The following COMMD1 variants were observed in gnomAD, a reference collection of about 807,000 sequenced individuals.
The protein encoded by COMMD1 is copper metabolism domain containing 1.
Under a neutral mutation model 17.2 loss-of-function variants are expected in COMMD1, and 10 were observed. The observed-to-expected ratio is 0.58, with a 90% CI of 0.36 to 0.99. COMMD1 has a LOEUF of 0.99. COMMD1 is among the 50% of genes least tolerant of loss of function. The probability of loss-of-function intolerance (pLI) is 0.01; values close to 1 mark genes in which losing one functional copy is unlikely to be tolerated. For synonymous variants in COMMD1, 97 were observed against 91.6 expected (o/e 1.06, Z -0.34); for missense variants, 270 against 231.8 (o/e 1.17, Z -1.07).
intron 1 of COMMD1, among the ~76,000 whole-genome samples, chr2:61,963,964 T>A (rs1573008082): frequency 6.6e-6 from 1 of 152,184 alleles, no homozygotes; most frequent in Non-Finnish European, 1.5e-5. Flanking sequence ...CCAGGGTTGG[T>A]GATGGGATGG....
intron 2 of COMMD1, among the ~76,000 whole-genome samples, chr2:62,061,706 C>G (rs1245936034): frequency 6.6e-6 from 1 of 151,854 alleles, no homozygotes; most frequent in African/African-American, 2.4e-5. Context: ...CAGGCGCCCA[C>G]CACCATGCCC....
chr2:61,905,917 G>T, intron 1 of COMMD1, 59 bp downstream of exon 1: 1 of 1,556,276 alleles, frequency 6.4e-7, no homozygotes, highest in Non-Finnish European at 8.9e-7. Context: ...GCTGGCTTCA[G>T]ACTCTCCCCC....
In COMMD1 at chr2:62,037,711, T is replaced by C. The variant is rs147590434; in HGVS notation, c.462+36729T>C. On this transcript the variant is annotated intron_variant, in intron 2 of 2. Coordinates refer to ENST00000311832, the MANE Select transcript of COMMD1 (RefSeq NM_152516.4). ...GAAATATACATGGCTCTGGCCCTAATAGCCATTTTAGTTGGAGGAGCTCCA... is the reference window on the plus strand; with the variant it reads ...GAAATATACATGGCTCTGGCCCTAACAGCCATTTTAGTTGGAGGAGCTCCA... 3.2e-3 allele frequency among the ~76,000 whole-genome samples: 491 copies of C among 152,340 alleles called. 3 individuals carry two copies. The highest frequency in any genetic ancestry group is 7.7e-3 in the Admixed American group (118 of 15,302).
intron 1 of COMMD1, among the ~76,000 whole-genome samples, chr2:61,972,130 C>T (rs13032415): frequency 6.6e-6 from 1 of 151,690 alleles, no homozygotes; most frequent in Non-Finnish European, 1.5e-5. Context: ...AAAAAACAAA[C>T]AAAAAAACTG....
At position 62,102,761 on chromosome 2, in the gene COMMD1, G is replaced by A. The variant is rs574419464; in HGVS notation, c.463-33070G>A. Reference sequence around the variant, plus strand: ...CCTCTGCCTTTGTGTGTAAAAACTGGCCATAAAGAAATTATCTGACCTCCC... The same window carrying A: ...CCTCTGCCTTTGTGTGTAAAAACTGACCATAAAGAAATTATCTGACCTCCC... On this transcript the variant is annotated intron_variant, in intron 2 of 2. Coordinates refer to ENST00000311832, the MANE Select transcript of COMMD1 (RefSeq NM_152516.4). Among the ~76,000 whole-genome samples, 20 of 152,150 alleles carry A rather than the reference G, an allele frequency of 1.3e-4. No individual in the cohort carries two copies. In the East Asian group the frequency reaches 3.9e-3, roughly 29 times the overall value.
chr2:62,049,092 C>G (rs1670465547), intron 2 of COMMD1, among the ~76,000 whole-genome samples: 1 of 151,656 alleles, frequency 6.6e-6, no homozygotes, highest in Admixed American at 6.6e-5. Context: ...GCAAGTTTAA[C>G]CAGAAAATTG....
At chr2:61,921,841 C>G (rs1219484560) in intron 1 of COMMD1, among the ~76,000 whole-genome samples, 2 of 152,176 alleles carry the variant, frequency 1.3e-5, no homozygotes, top group African/African-American at 4.8e-5. Context: ...ACCTTGATCT[C>G]TAAGAAACAG....
intron 2 of COMMD1, among the ~76,000 whole-genome samples, chr2:62,064,448 A>G (rs947426419): frequency 1.3e-5 from 2 of 152,192 alleles, no homozygotes; most frequent in Non-Finnish European, 2.9e-5. Context: ...TGCTGGGATT[A>G]TAGGCATGTG....
intron 2 of COMMD1, among the ~76,000 whole-genome samples, chr2:62,038,283 G>A (rs1311108540): frequency 2.0e-5 from 3 of 152,070 alleles, no homozygotes; most frequent in Admixed American, 1.3e-4. Flanking sequence ...GTGAGACTCT[G>A]TCTCAAACAG....
chr2:62,128,607 C>G (rs779593903), intron 2 of COMMD1, among the ~76,000 whole-genome samples: 1 of 152,148 alleles, frequency 6.6e-6, no homozygotes, highest in African/African-American at 2.4e-5. Flanking sequence ...CTACCTCCCT[C>G]CCTCCCTCCT....
At chr2:62,071,652 A>C (rs1295446370) in intron 2 of COMMD1, among the ~76,000 whole-genome samples, 1 of 152,172 alleles carries the variant, frequency 6.6e-6, no homozygotes, top group Non-Finnish European at 1.5e-5. Flanking sequence ...AAAAAGAAAA[A>C]ATAATTATAA....
intron 2 of COMMD1, among the ~76,000 whole-genome samples, chr2:62,135,104 G>A (rs1184822097): frequency 2.6e-5 from 4 of 152,100 alleles, no homozygotes; most frequent in East Asian, 1.9e-4. Context: ...GGACTTCGGC[G>A]TCATCCAGAG....
chr2:62,133,934 G>A (rs746043350), intron 2 of COMMD1, among the ~76,000 whole-genome samples: 1 of 152,062 alleles, frequency 6.6e-6, no homozygotes, highest in Non-Finnish European at 1.5e-5. Flanking sequence ...TAGGACTACA[G>A]GTGCGCACCA....
At chr2:61,925,442 T>G (rs1403957223) in intron 1 of COMMD1, among the ~76,000 whole-genome samples, 1 of 152,028 alleles carries the variant, frequency 6.6e-6, no homozygotes, top group African/African-American at 2.4e-5. Context: ...CGGGGTTGTT[T>G]GCTGGTTAAT....
chr2:62,071,670 C>T (rs1490705787), intron 2 of COMMD1, among the ~76,000 whole-genome samples: 1 of 152,128 alleles, frequency 6.6e-6, no homozygotes, highest in Non-Finnish European at 1.5e-5. Flanking sequence ...TAAAAATAAA[C>T]TATTATAAAT....
intron 2 of COMMD1, among the ~76,000 whole-genome samples, chr2:62,037,394 A>G (rs563548666): frequency 3.3e-5 from 5 of 152,302 alleles, no homozygotes; most frequent in African/African-American, 1.2e-4. Flanking sequence ...AGTGCATAGG[A>G]GCAGTTTTGT....
chr2:62,114,541 C>T (rs1382496414), intron 2 of COMMD1, among the ~76,000 whole-genome samples: 6 of 152,216 alleles, frequency 3.9e-5, no homozygotes, highest in Admixed American at 3.9e-4. Flanking sequence ...GTACTCTCCT[C>T]TTCTTTCTTA....
At position 62,014,696 on chromosome 2, in the gene COMMD1, G is replaced by C. The variant is rs559735226; in HGVS notation, c.462+13714G>C. On this transcript the variant is annotated intron_variant, in intron 2 of 2. Transcript: ENST00000311832. ...TCTGTCTCAGCCTCCCGAGTAGCTG[G>C]GACTACAGGTGTGCACCACCACGCC... 2.0e-3 allele frequency among the ~76,000 whole-genome samples: 309 copies of C among 150,778 alleles called. 2 individuals carry two copies. The highest frequency in any genetic ancestry group is 6.8e-3 in the African/African-American group (278 of 40,984).
chr2:61,990,435 C>G (rs1212128658), intron 1 of COMMD1, among the ~76,000 whole-genome samples: 5 of 151,994 alleles, frequency 3.3e-5, no homozygotes, highest in Non-Finnish European at 5.9e-5. Flanking sequence ...ACCTGTAATC[C>G]CAGCATTTTG....
Sources: gnomAD v4.1 joint callset for allele counts (sites outside exome capture counted in the v4.1 genomes callset) on GRCh38, gnomAD v4.1.1 for gene constraint, MANE v1.5 for transcripts, NCBI Gene and HGNC (gene_info 2026-07-23, HGNC 2026-07-21) for gene names.